CHD1L: variants seen among roughly 807,000 people sequenced by gnomAD.
The protein encoded by CHD1L is chromodomain helicase DNA binding protein 1 like, also known as ATP-dependent chromatin remodeler CHD1L.
A neutral mutation model predicts 115.9 loss-of-function variants in CHD1L; 118 were observed. The observed-to-expected ratio is 1.02, with a 90% CI of 0.88 to 1.19. CHD1L has a LOEUF of 1.19. Ranked by LOEUF, CHD1L falls within the 50% of genes most tolerant of loss-of-function variation. The probability of loss-of-function intolerance (pLI) is 0.00; values close to 1 mark genes in which losing one functional copy is unlikely to be tolerated. For synonymous variants in CHD1L, 411 were observed against 387.1 expected (o/e 1.06, Z -0.72); for missense variants, 1,179 against 1,065.3 (o/e 1.11, Z -1.49).
chr1:147,221,535 G>A, the CHD1L span, among the ~76,000 whole-genome samples: 1 of 152,336 alleles, frequency 6.6e-6, no homozygotes, highest in African/African-American at 2.4e-5. Flanking sequence ...TTGCTGTATG[G>A]AGAGCAGGTG....
the CHD1L span, among the ~76,000 whole-genome samples, chr1:147,192,543 ACT>A: frequency 6.6e-6 from 1 of 151,718 alleles, no homozygotes; most frequent in Admixed American, 6.6e-5. Context: ...AATATCCAAC[ACT>A]CTGTTGAATA....
At chr1:147,200,239 C>A in the CHD1L span, among the ~76,000 whole-genome samples, 1 of 152,274 alleles carries the variant, frequency 6.6e-6, no homozygotes. Context: ...TGGTTTGACC[C>A]TTTGAAGCTA....
Position 147,295,738 on chromosome 1 carries a change from A to G in CHD1L, c.*229A>G, listed in dbSNP as rs587741783. The G allele has an allele frequency of 3.9e-6, 2 of 513,982 alleles. No homozygotes were observed. The highest frequency in any genetic ancestry group is 8.0e-5 in the Admixed American group (2 of 25,102). 31.8% of individuals were successfully genotyped at this position (513,982 alleles called of 1,614,324 possible). Reference sequence around the variant, plus strand: ...CCTTTGACCCCAGCTTGCTAGTTGCATAATAATAAATTTTCTGTTCCTAAT... The same window carrying G: ...CCTTTGACCCCAGCTTGCTAGTTGCGTAATAATAAATTTTCTGTTCCTAAT... On this transcript the variant is annotated 3_prime_UTR_variant, in exon 23 of 23. Coordinates refer to ENST00000369258, the MANE Select transcript of CHD1L (RefSeq NM_004284.6).
chr1:147,285,282 G>T (rs1457522407), intron 16 of CHD1L, 42 bp from the exon 17 acceptor site: 1 of 1,587,864 alleles, frequency 6.3e-7, no homozygotes, highest in Non-Finnish European at 8.6e-7. Context: ...ATTCGGGGAG[G>T]AATCTTCTTG....
chr1:147,212,908 CTT>C, the CHD1L span, among the ~76,000 whole-genome samples: 1 of 148,590 alleles, frequency 6.7e-6, no homozygotes. Flanking sequence ...GTATAGAGTG[CTT>C]TTTTTTTTAA....
At chr1:147,178,594 G>C in the CHD1L span, 33 of 1,603,674 alleles carry the variant, frequency 2.1e-5, no homozygotes, top group African/African-American at 4.0e-5. Flanking sequence ...AGGTTTTTTC[G>C]ATGATTCATT....
the CHD1L span, among the ~76,000 whole-genome samples, chr1:147,177,017 C>G: frequency 1.3e-5 from 2 of 151,904 alleles, no homozygotes; most frequent in East Asian, 3.9e-4. Flanking sequence ...GTTCTGTCCT[C>G]CGAAGGCCTA....
intron 17 of CHD1L, among the ~76,000 whole-genome samples, chr1:147,285,702 TTTC>T (rs1553965125): frequency 6.6e-6 from 1 of 152,116 alleles, no homozygotes; most frequent in Non-Finnish European, 1.5e-5. Context: ...CCAGAATTGT[TTTC>T]TTTTTTCTTT....
chr1:147,184,844 A>G, the CHD1L span, among the ~76,000 whole-genome samples: 6 of 152,082 alleles, frequency 3.9e-5, no homozygotes, highest in Admixed American at 3.3e-4. This position sits in a 1 kb window ranked among gnomAD's most constrained non-coding sequence, Gnocchi z 4.4. Flanking sequence ...TTCAGCTCAC[A>G]CTAGAGAAGT....
chr1:147,285,280 A>G (rs1294020526), intron 16 of CHD1L, 44 bp from the exon 17 acceptor site: 1 of 1,585,532 alleles, frequency 6.3e-7, no homozygotes, highest in Non-Finnish European at 8.6e-7. Context: ...AAATTCGGGG[A>G]GGAATCTTCT....
rs781947289 is a variant in CHD1L, at chr1:147,255,912, A to C, written c.447A>C (p.Leu149=). The change falls in exon 4 of 23, where the codon CTA becomes CTC. Residue 149 remains leucine (L), a synonymous_variant. Transcript: ENST00000369258. ...DLKQESRFHV[L]LTTYEICLKD... ...AACAGGAGTCACGTTTTCATGTGCT[A>C]CTGACTACCTATGAGGTATTCATTC... is the stretch of plus-strand genomic sequence containing the variant. 5.0e-6 allele frequency: 8 copies of C among 1,612,768 alleles called. No homozygotes were observed. The South Asian group carries it at 5.5e-5, about 11-fold the overall frequency.
intron 12 of CHD1L, among the ~76,000 whole-genome samples, chr1:147,273,063 TGTA>T (rs1311455647): frequency 6.6e-6 from 1 of 152,054 alleles, no homozygotes; most frequent in Non-Finnish European, 1.5e-5. Context: ...CTTAGCTGGA[TGTA>T]GTGGTGCGTG....
chr1:147,212,630 C>T, the CHD1L span: 4 of 1,152,982 alleles, frequency 3.5e-6, no homozygotes, highest in Admixed American at 2.1e-5. Flanking sequence ...TAAGTTTAAG[C>T]ATATATTCTC....
At chr1:147,239,381 C>A (rs1458151234), upstream of CHD1L, among the ~76,000 whole-genome samples, 1 of 152,182 alleles carries the variant, frequency 6.6e-6, no homozygotes, top group Non-Finnish European at 1.5e-5. Flanking sequence ...TTGTACAAAT[C>A]CAACACATCC....
chr1:147,190,394 T>C, the CHD1L span: 1 of 566,084 alleles, frequency 1.8e-6, no homozygotes, highest in Non-Finnish European at 3.1e-6. Flanking sequence ...CTTGATCACC[T>C]TACCACCACC....
chr1:147,195,217 T>C, the CHD1L span, among the ~76,000 whole-genome samples: 1 of 152,178 alleles, frequency 6.6e-6, no homozygotes, highest in Non-Finnish European at 1.5e-5. Context: ...CTTTTTATTC[T>C]TTTTTCTCTA....
At chr1:147,273,207 C>T (rs1553954766) in intron 12 of CHD1L, among the ~76,000 whole-genome samples, 1 of 152,128 alleles carries the variant, frequency 6.6e-6, no homozygotes, top group Non-Finnish European at 1.5e-5. Flanking sequence ...CTGGAGCAAG[C>T]TGACCTTAGT....
At chr1:147,193,577 T>C in the CHD1L span, among the ~76,000 whole-genome samples, 1 of 152,154 alleles carries the variant, frequency 6.6e-6, no homozygotes, top group South Asian at 2.1e-4. Context: ...CTTGCTTTTC[T>C]AGTTCTTTTA....
chr1:147,272,172 C>G lies in CHD1L; in HGVS notation c.1161C>G (p.Gly387=). 1 of 1,612,232 alleles carries G rather than the reference C, an allele frequency of 6.2e-7. No homozygotes were observed. The change falls in exon 12 of 23, where the codon GGC becomes GGG. Residue 387 remains glycine (G), a splice_region_variant and synonymous_variant. Transcript: ENST00000369258. ...CTGTTTTTCTTCCTCTCTGTAAAGGCTACAGCTATGAGCGTGTGGATGGTT... is the reference window on the plus strand; with the variant it reads ...CTGTTTTTCTTCCTCTCTGTAAAGGGTACAGCTATGAGCGTGTGGATGGTT... The part of the protein sequence containing the change: ...DILQDYMDYR[G]YSYERVDGSV...
Sources: gnomAD v4.1 joint callset for allele counts (sites outside exome capture counted in the v4.1 genomes callset) on GRCh38, gnomAD v4.1.1 for gene constraint, Gnocchi (gnomAD v3.1) non-coding constraint, MANE v1.5 for transcripts, NCBI Gene and HGNC (gene_info 2026-07-23, HGNC 2026-07-21) for gene names.